DLGAP2: variants seen among roughly 807,000 people sequenced by gnomAD.
The protein encoded by DLGAP2 is DLG associated protein 2.
DLGAP2 carries 26 observed loss-of-function variants against 100.3 expected under a neutral mutation model. The observed-to-expected ratio is 0.26, with a 90% CI of 0.19 to 0.36. The LOEUF is 0.36. DLGAP2 is among the 10% of genes least tolerant of loss of function. The pLI, the probability that DLGAP2 is intolerant of heterozygous loss-of-function variation, is 1.00. For missense variants in DLGAP2, 1,858 were observed against 1,453.2 expected (o/e 1.28, Z -4.53); for synonymous variants, 886 against 630.1 (o/e 1.41, Z -6.08).
intron 2 of DLGAP2, chr8:1,246,937 A>ACG: frequency 7.4e-6 from 1 of 135,024 alleles, no homozygotes; most frequent in African/African-American, 3.2e-5. Context: ...GTGATGGTCC[A>ACG]TGTCGGTGGC....
intron 2 of DLGAP2, among the ~76,000 whole-genome samples, chr8:1,191,195 G>A (rs1348888099): frequency 1.4e-5 from 2 of 142,258 alleles, no homozygotes; most frequent in African/African-American, 5.2e-5. Flanking sequence ...TTTTTGAGAC[G>A]GAATCTCACT....
intron 3 of DLGAP2, among the ~76,000 whole-genome samples, chr8:1,454,247 A>G (rs1798243063): frequency 6.6e-6 from 1 of 152,186 alleles, no homozygotes; most frequent in Non-Finnish European, 1.5e-5. Context: ...TTTCATCCAC[A>G]GCGTCCCCAC....
At chr8:1,378,774 C>T (rs1463801484) in intron 3 of DLGAP2, among the ~76,000 whole-genome samples, 2 of 152,190 alleles carry the variant, frequency 1.3e-5, no homozygotes, top group African/African-American at 4.8e-5. Flanking sequence ...TCAGTCTTTC[C>T]TTATGCAGTT....
In DLGAP2 at chr8:1,463,109, C is replaced by T. The variant is rs543922072; in HGVS notation, c.107-38257C>T. On this transcript the variant is annotated intron_variant, in intron 3 of 14. Coordinates refer to ENST00000637795, the MANE Select transcript of DLGAP2 (RefSeq NM_001346810.2). The stretch of plus-strand genomic sequence containing the variant: ...ACTAAAAATACAAAAATTAGCCTGG[C>T]GTGGTGGTGTGTGCCCGTAATCCCC... 3.9e-5 allele frequency among the ~76,000 whole-genome samples: 6 copies of T among 152,158 alleles called. No homozygotes were observed. In the East Asian group the frequency reaches 7.8e-4, roughly 20 times the overall value.
At chr8:1,425,239 T>A (rs1797205878) in intron 3 of DLGAP2, among the ~76,000 whole-genome samples, 1 of 152,194 alleles carries the variant, frequency 6.6e-6, no homozygotes, top group Non-Finnish European at 1.5e-5. Context: ...TCAATGATAG[T>A]GAAAATATCT....
At chr8:1,631,285 C>A (rs535797570) in intron 7 of DLGAP2, among the ~76,000 whole-genome samples, 1 of 151,956 alleles carries the variant, frequency 6.6e-6, no homozygotes, top group Non-Finnish European at 1.5e-5. Context: ...TCTTTAGGAG[C>A]GAGGGCAGCT....
intron 3 of DLGAP2, among the ~76,000 whole-genome samples, chr8:1,282,434 A>G (rs1200487560): frequency 0.19 from 16,147 of 86,256 alleles, 3,025 homozygotes; most frequent in Non-Finnish European, 0.27. Context: ...CCATCCGGAC[A>G]TGGTGTGACC....
At chr8:1,653,522 T>C (rs373805032) in intron 8 of DLGAP2, among the ~76,000 whole-genome samples, 2 of 151,220 alleles carry the variant, frequency 1.3e-5, no homozygotes, top group African/African-American at 2.4e-5. Flanking sequence ...GCTCTGGAGG[T>C]TCACAGAGCA....
At chr8:969,584 C>T (rs556548232) in intron 2 of DLGAP2, among the ~76,000 whole-genome samples, 22 of 151,706 alleles carry the variant, frequency 1.5e-4, no homozygotes, top group Non-Finnish European at 7.4e-5. Flanking sequence ...ATATTACCAA[C>T]AAAGATAATA....
chr8:1,089,427 C>T (rs903674100), intron 2 of DLGAP2, among the ~76,000 whole-genome samples: 2 of 152,186 alleles, frequency 1.3e-5, no homozygotes, highest in Admixed American at 6.5e-5. Context: ...GAGACTCCAT[C>T]GCCTTCCTCC....
At chr8:1,532,045 G>C (rs148473906) in intron 4 of DLGAP2, among the ~76,000 whole-genome samples, 91 of 152,320 alleles carry the variant, frequency 6.0e-4, no homozygotes, top group African/African-American at 2.1e-3. Context: ...AGGAAGGTGA[G>C]AGACACATGG....
At chr8:1,303,331 A>C (rs1432673856) in intron 3 of DLGAP2, among the ~76,000 whole-genome samples, 3 of 148,220 alleles carry the variant, frequency 2.0e-5, no homozygotes, top group African/African-American at 7.4e-5. Context: ...CGGGAGGCGG[A>C]GCTTGCACAG....
intron 5 of DLGAP2, among the ~76,000 whole-genome samples, chr8:1,557,364 A>C (rs1169138928): frequency 2.0e-5 from 3 of 152,048 alleles, no homozygotes; most frequent in Non-Finnish European, 4.4e-5. Context: ...TCCCGGAAAG[A>C]GCCCCTGGTG....
intron 3 of DLGAP2, among the ~76,000 whole-genome samples, chr8:1,344,403 T>A (rs1415719546): frequency 6.6e-6 from 1 of 152,212 alleles, no homozygotes; most frequent in Non-Finnish European, 1.5e-5. Context: ...AGTGTCACTT[T>A]CTCTGAGCAG....
intron 1 of DLGAP2, among the ~76,000 whole-genome samples, chr8:896,805 G>A (rs1317566507): frequency 6.6e-6 from 1 of 152,102 alleles, no homozygotes; most frequent in East Asian, 1.9e-4. Flanking sequence ...TCATTTATGG[G>A]CCCCCCAGTC....
chr8:1,483,211 C>G (rs903750791), intron 3 of DLGAP2, among the ~76,000 whole-genome samples: 24 of 152,264 alleles, frequency 1.6e-4, no homozygotes, highest in African/African-American at 5.3e-4. Flanking sequence ...TCCAGGGAGT[C>G]CGTACTTTGT....
intron 3 of DLGAP2, among the ~76,000 whole-genome samples, chr8:1,291,026 C>A (rs1055984881): frequency 6.6e-6 from 1 of 152,082 alleles, no homozygotes; most frequent in African/African-American, 2.4e-5. Context: ...AGTTCTAAAG[C>A]TTGAAACAAA....
chr8:1,160,240 G>C (rs902711160), intron 2 of DLGAP2, among the ~76,000 whole-genome samples: 4 of 152,184 alleles, frequency 2.6e-5, no homozygotes, highest in African/African-American at 9.6e-5. Flanking sequence ...TTTCAGCTGG[G>C]TGGGGACCTA....
chr8:1,414,259 G>A (rs1332762144), intron 3 of DLGAP2, among the ~76,000 whole-genome samples: 1 of 152,322 alleles, frequency 6.6e-6, no homozygotes, highest in South Asian at 2.1e-4. Context: ...GGACTCTTGT[G>A]GGGTTGGCAT....
Sources: gnomAD v4.1 joint callset for allele counts (sites outside exome capture counted in the v4.1 genomes callset) on GRCh38, gnomAD v4.1.1 for gene constraint, MANE v1.5 for transcripts, NCBI Gene and HGNC (gene_info 2026-07-23, HGNC 2026-07-21) for gene names.